The following ERCC3 variants were observed in gnomAD, a reference collection of about 807,000 sequenced individuals.
ERCC3 encodes general transcription and DNA repair factor IIH helicase/translocase subunit XPB.
In ERCC3, 66 loss-of-function variants were observed where a neutral mutation model predicts 94.2. The ratio of observed to expected loss-of-function variants is 0.70; its 90% CI spans 0.57 to 0.86. The LOEUF is 0.86. Ranked by LOEUF, ERCC3 falls within the 40% of genes least tolerant of loss-of-function variation. ERCC3 has a pLI of 0.00. For missense variants in ERCC3, 829 were observed against 987.1 expected (o/e 0.84, Z 2.15); for synonymous variants, 349 against 369.1 (o/e 0.95, Z 0.63).
chr2:127,282,683 A>C (rs933702366), intron 8 of ERCC3, among the ~76,000 whole-genome samples: 15 of 152,198 alleles, frequency 9.9e-5, no homozygotes, highest in Admixed American at 5.2e-4. Context: ...TCTCTGGGAC[A>C]ATGAGCATGG....
In ERCC3 at chr2:127,259,270, T is replaced by C. The variant is rs772467634; in HGVS notation, c.2217+26A>G. The C allele has an allele frequency of 6.2e-7, 1 of 1,614,028 alleles. No individual in the cohort carries two copies. Among genetic ancestry groups the C allele is most frequent in the Admixed American group, 1.7e-5 (1 of 60,032 alleles). ...GCTGCCCTGTGAGAGCACTGACACC[T>C]GGAACCTCCTCACCCATTTACTCAC... On this transcript the variant is annotated intron_variant, in intron 14 of 14. Coordinates refer to ENST00000285398, the MANE Select transcript of ERCC3 (RefSeq NM_000122.2). The surrounding 1 kb of genome is among the most constrained non-coding windows in gnomAD (Gnocchi z 4.9).
In ERCC3 at chr2:127,271,198, G is replaced by GTCTT; in HGVS notation, c.1945+134_1945+137dup. ...ATAATGATGGGCCATAAGGATCTAG[G>GTCTT]TCTTTGCTTTGGGATTCTCTCCCTC... On this transcript the variant is annotated intron_variant, in intron 12 of 14. Coordinates refer to ENST00000285398, the MANE Select transcript of ERCC3 (RefSeq NM_000122.2). This position sits in a 1 kb window ranked among gnomAD's most constrained non-coding sequence, Gnocchi z 5.0. The GTCTT allele has an allele frequency of 1.3e-6, 1 of 759,150 alleles. No homozygotes were observed. The highest frequency in any genetic ancestry group is 2.4e-6 in the Non-Finnish European group (1 of 415,672). The allele number at this position is 759,150 out of a possible 1,614,324, so 47.0% of individuals were successfully genotyped here.
Position 127,292,586 on chromosome 2 carries a change from T to C in ERCC3, c.471+24A>G, listed in dbSNP as rs780563619. ...TGTTACATTAGCAGGGCAGGTGGAA[T>C]TGCTGGTCTCAGCTGTCACTTGCCT... On this transcript the variant is annotated intron_variant, in intron 3 of 14. Coordinates refer to ENST00000285398, the MANE Select transcript of ERCC3 (RefSeq NM_000122.2). The C allele has an allele frequency of 1.1e-5, 16 of 1,446,194 alleles. 1 individual carries two copies. Among genetic ancestry groups the C allele is most frequent in the Non-Finnish European group, 1.6e-5 (16 of 1,027,828 alleles). The allele number at this position is 1,446,194 out of a possible 1,614,324, so 89.6% of individuals were successfully genotyped here.
Position 127,286,875 on chromosome 2 carries a change from G to A in ERCC3, c.1170C>T (p.Cys390=), listed in dbSNP as rs1685086743. The part of the protein sequence containing the change: ...MWSTIDDSQI[C]RFTSDAKDKP... ...TGTCCTTGGCATCGGAGGTGAACCG[G>A]CAGATCTGGCTGTCGTCAATGGTGG... The change falls in exon 8 of 15, where the codon TGC becomes TGT. Residue 390 remains cysteine, a synonymous_variant. Coordinates refer to ENST00000285398, the MANE Select transcript of ERCC3 (RefSeq NM_000122.2). The A allele has an allele frequency of 3.7e-6, 6 of 1,614,192 alleles. No individual in the cohort carries two copies. Among genetic ancestry groups the A allele is most frequent in the Non-Finnish European group, 5.1e-6 (6 of 1,180,036 alleles).
intron 10 of ERCC3, among the ~76,000 whole-genome samples, chr2:127,278,238 CAA>C (rs11339591): frequency 1.2e-3 from 169 of 135,344 alleles, no homozygotes; most frequent in Middle Eastern, 7.1e-3. Context: ...ACCCTAACTC[CAA>C]AAAAAAAAAA....
rs374437598 is a variant in ERCC3 at position 127,283,143 on chromosome 2, TG to T, written c.1343-2513del. ...AGTAAAACTGACTTGGGGCGGGGGG[TG>T]GGGGGGGCACTTCTATGCATTTTAA... On this transcript the variant is annotated intron_variant, in intron 8 of 14. Coordinates refer to ENST00000285398, the MANE Select transcript of ERCC3 (RefSeq NM_000122.2). Among the ~76,000 whole-genome samples the T allele has an allele frequency of 1.8e-4, 12 of 65,078 alleles. No homozygotes were observed. In the South Asian group the frequency reaches 2.8e-3, roughly 15 times the overall value. 42.7% of individuals were successfully genotyped at this position (65,078 alleles called of 152,430 possible).
In ERCC3 at chr2:127,270,073, G is replaced by A. The variant is rs76584270; in HGVS notation, c.1945+1263C>T. Among the ~76,000 whole-genome samples the A allele has an allele frequency of 4.3e-3, 647 of 152,144 alleles. 2 individuals are homozygous for A. Among genetic ancestry groups the A allele is most frequent in the African/African-American group, 0.015 (606 of 41,536 alleles). ...AAAGGAGTTTTCAAATTAGAGTAAG[G>A]AATAAGTAATGAATTATATTCACAT... On this transcript the variant is annotated intron_variant, in intron 12 of 14. Coordinates refer to ENST00000285398, the MANE Select transcript of ERCC3 (RefSeq NM_000122.2).
chr2:127,294,088 T>C lies in ERCC3; in HGVS notation c.-7A>G, dbSNP rs771683547. The C allele has an allele frequency of 1.9e-6, 3 of 1,607,476 alleles. No individual in the cohort carries two copies. Among genetic ancestry groups the C allele is most frequent in the Non-Finnish European group, 2.5e-6 (3 of 1,179,534 alleles). On this transcript the variant is annotated 5_prime_UTR_variant, in exon 1 of 15. The change abolishes the stop of an existing upstream ORF in the 5' untranslated region. Coordinates refer to ENST00000285398, the MANE Select transcript of ERCC3 (RefSeq NM_000122.2). ...CTCGGTCTCTTTTGCCCATGGCAGC[T>C]ACAGCAGCAGAGAGAAGATGACCCC...
In ERCC3 at chr2:127,257,934, C is replaced by T. The variant is rs1457503823; in HGVS notation, c.2218-207G>A. On this transcript the variant is annotated intron_variant, in intron 14 of 14. Coordinates refer to ENST00000285398, the MANE Select transcript of ERCC3 (RefSeq NM_000122.2). The surrounding 1 kb of genome is among the most constrained non-coding windows in gnomAD (Gnocchi z 5.4). ...CTCTAATCCTCAAAACTACTATAATCCACACCTGAAAGAAGAGGAAACTGA... is the reference window on the plus strand; with the variant it reads ...CTCTAATCCTCAAAACTACTATAATTCACACCTGAAAGAAGAGGAAACTGA... Among the ~76,000 whole-genome samples the T allele has an allele frequency of 6.6e-6, 1 of 152,124 alleles. No individual in the cohort carries two copies. Among genetic ancestry groups the T allele is most frequent in the Admixed American group, 6.6e-5 (1 of 15,266 alleles).
intron 8 of ERCC3, among the ~76,000 whole-genome samples, chr2:127,281,953 G>A (rs1404582636): frequency 6.6e-6 from 1 of 152,108 alleles, no homozygotes; most frequent in Non-Finnish European, 1.5e-5. Context: ...GCAACACTGG[G>A]GGACATACTG....
chr2:127,265,488 G>A (rs776480287), intron 12 of ERCC3, among the ~76,000 whole-genome samples: 9 of 151,996 alleles, frequency 5.9e-5, no homozygotes, highest in Admixed American at 2.0e-4. Flanking sequence ...GTGCGATCTC[G>A]GCTCACTGCA....
chr2:127,263,881 G>A (rs944956854), intron 12 of ERCC3, among the ~76,000 whole-genome samples: 3 of 151,758 alleles, frequency 2.0e-5, no homozygotes, highest in African/African-American at 7.3e-5. Context: ...CTAATTTTTT[G>A]TACTTTTAGT....
At position 127,292,983 on chromosome 2, in the gene ERCC3, CT is replaced by C; in HGVS notation, c.235-138del. 4 of 688,658 alleles carry C rather than the reference CT, an allele frequency of 5.8e-6. No homozygotes were observed. The South Asian group carries it at 6.2e-5, about 11-fold the overall frequency. 42.7% of individuals were successfully genotyped at this position (688,658 alleles called of 1,614,324 possible). ...TTCTTGCAAGCACTCCTTCAGACAA[CT>C]GTGGGGCCTGTTACATTAATCAGAT... On this transcript the variant is annotated intron_variant, in intron 2 of 14. Transcript: ENST00000285398.
chr2:127,292,028 A>G lies in ERCC3; in HGVS notation c.471+582T>C, dbSNP rs868405819. ...AAGTCTATGATCAAGGTATCAGCCG[A>G]TTCAGTTTCTGGTGAAGGCTCTTGT... is the stretch of plus-strand genomic sequence containing the variant. On this transcript the variant is annotated intron_variant, in intron 3 of 14. Transcript: ENST00000285398. 38 of 180,858 alleles carry G rather than the reference A, an allele frequency of 2.1e-4. No individual in the cohort carries two copies. In the Middle Eastern group the frequency reaches 0.014, roughly 67 times the overall value. 11.2% of individuals were successfully genotyped at this position (180,858 alleles called of 1,614,324 possible). A position where few individuals can be genotyped will look rare whatever the true frequency, so the allele number is the denominator to read the frequency against.
chr2:127,292,977 A>G (rs766296110), intron 2 of ERCC3, 131 bp from the exon 3 acceptor site: 14 of 706,112 alleles, frequency 2.0e-5, no homozygotes, highest in Non-Finnish European at 3.1e-5. Context: ...GCACTCCTTC[A>G]GACAACTGTG....
intron 1 of ERCC3, 24 bp from the exon 2 acceptor site, chr2:127,293,742 A>C: frequency 6.2e-7 from 1 of 1,608,238 alleles, no homozygotes; most frequent in Non-Finnish European, 8.5e-7. Context: ...ACACAGAAGT[A>C]AGCCCAGCAG....
chr2:127,280,737 G>A lies in ERCC3; in HGVS notation c.1343-106C>T. The A allele has an allele frequency of 1.8e-6, 2 of 1,097,740 alleles. No individual in the cohort carries two copies. Among genetic ancestry groups the A allele is most frequent in the East Asian group, 2.6e-5 (1 of 38,530 alleles). 68.0% of individuals were successfully genotyped at this position (1,097,740 alleles called of 1,614,324 possible). A position where few individuals can be genotyped will look rare whatever the true frequency, so the allele number is the denominator to read the frequency against. ...AGATGGGGTCTCATTATATTGCCCA[G>A]GCTGGTCTTGAACTCCTGGCCTCAA... On this transcript the variant is annotated intron_variant, in intron 8 of 14. Transcript: ENST00000285398. The surrounding 1 kb of genome is among the most constrained non-coding windows in gnomAD (Gnocchi z 6.3).
At chr2:127,292,459 T>A (rs1332935094) in intron 3 of ERCC3, 151 bp downstream of exon 3, 2 of 755,504 alleles carry the variant, frequency 2.6e-6, no homozygotes, top group Admixed American at 1.7e-5. Context: ...GGATCCAGAG[T>A]GTAGCGGCTG....
rs779781754 is a variant in ERCC3 at position 127,288,759 on chromosome 2, G to T, written c.928C>A (p.Leu310Ile). Residue 310 changes from leucine (L) to isoleucine (I), a missense_variant, in exon 7 of 15, where the codon CTA (leucine) becomes ATA (isoleucine). Leu to Ile is a conservative substitution (Grantham distance 5, BLOSUM62 2). Coordinates refer to ENST00000285398, the MANE Select transcript of ERCC3 (RefSeq NM_000122.2). ...GGTCTGAGGACAGCTGTGGGCTTTA[G>T]GTCAATGTTGATATCAGGGTTGACA... ...DSVNPDINID[L>I]KPTAVLRPYQ... 1.3e-5 allele frequency: 21 copies of T among 1,614,058 alleles called. No homozygotes were observed. Among genetic ancestry groups the T allele is most frequent in the Non-Finnish European group, 1.8e-5 (21 of 1,179,978 alleles).
Sources: allele counts gnomAD v4.1 joint callset (sites outside exome capture counted in the v4.1 genomes callset), GRCh38; gene constraint gnomAD v4.1.1; non-coding constraint Gnocchi (gnomAD v3.1); transcripts MANE v1.5; gene names NCBI Gene and HGNC (gene_info 2026-07-23, HGNC 2026-07-21).